Variants in SOX5 observed in about 807,000 individuals in gnomAD.
SOX5 encodes SRY-box transcription factor 5.
Under a neutral mutation model 92.0 loss-of-function variants are expected in SOX5, and 9 were observed. That is an observed-to-expected ratio of 0.10 (90% CI 0.06 to 0.17). SOX5 has a LOEUF of 0.17. Ranked by LOEUF, SOX5 falls within the 10% of genes least tolerant of loss-of-function variation. The pLI is 1.00. For synonymous variants in SOX5, 344 were observed against 336.3 expected (o/e 1.02, Z -0.25); for missense variants, 642 against 944.5 (o/e 0.68, Z 4.20).
At chr12:23,964,990 C>T (rs12422241) in intron 4 of SOX5, among the ~76,000 whole-genome samples, 5,913 of 152,244 alleles carry the variant, frequency 0.039, 546 homozygotes, top group East Asian at 0.38. Flanking sequence ...CCAGGGCTAG[C>T]GCACAGGGGC....
chr12:23,995,730 C>A (rs1043490017), intron 4 of SOX5, among the ~76,000 whole-genome samples: 3 of 152,056 alleles, frequency 2.0e-5, no homozygotes, highest in South Asian at 2.1e-4. Context: ...TAAAAGGGAT[C>A]CAACTTTATT....
chr12:24,201,348 GAA>G (rs35549197), intron 4 of SOX5, among the ~76,000 whole-genome samples: 7 of 146,648 alleles, frequency 4.8e-5, no homozygotes, highest in African/African-American at 1.5e-4. Flanking sequence ...CTTTTCTCAG[GAA>G]AAAAAAAAAT....
At chr12:24,505,091 C>G (rs1017861238) in intron 1 of SOX5, among the ~76,000 whole-genome samples, 4 of 152,148 alleles carry the variant, frequency 2.6e-5, no homozygotes, top group Non-Finnish European at 5.9e-5. Flanking sequence ...AAGATCTGAC[C>G]ATGTTATAAA....
chr12:23,593,365 G>T (rs913776767), intron 9 of SOX5, among the ~76,000 whole-genome samples: 1 of 152,080 alleles, frequency 6.6e-6, no homozygotes, highest in Non-Finnish European at 1.5e-5. Flanking sequence ...GAATGACTGG[G>T]TTCTTCAGCT....
At chr12:24,424,814 G>C (rs554359815) in intron 1 of SOX5, among the ~76,000 whole-genome samples, 5 of 150,818 alleles carry the variant, frequency 3.3e-5, no homozygotes, top group Non-Finnish European at 5.9e-5. Context: ...TTTTTGGGGG[G>C]GGGGGATGGC....
Position 24,020,343 on chromosome 12 carries a change from C to T in SOX5, c.-1-124319G>A, listed in dbSNP as rs920075752. ...AACACAAACCTGGGTTTCTCTCCACCCTATTCCAAAGTCAAGACAAGTAAA... is the reference window on the plus strand; with the variant it reads ...AACACAAACCTGGGTTTCTCTCCACTCTATTCCAAAGTCAAGACAAGTAAA... On this transcript the variant is annotated intron_variant, in intron 4 of 4. Coordinates refer to the SOX5 transcript ENST00000446891. Among the ~76,000 whole-genome samples the T allele has an allele frequency of 2.6e-5, 4 of 152,118 alleles. No homozygotes were observed. In the East Asian group the frequency reaches 5.8e-4, roughly 22 times the overall value.
chr12:23,970,841 A>ATATTTTTTTTTTTTTT, intron 4 of SOX5, among the ~76,000 whole-genome samples: 1 of 21,876 alleles, frequency 4.6e-5, no homozygotes, highest in Admixed American at 7.7e-4. Context: ...TATATATATA[A>ATATTTTTTTTTTTTTT]TTTTTTTTTT....
chr12:24,488,435 A>C (rs1432651112), intron 1 of SOX5, among the ~76,000 whole-genome samples: 1 of 152,160 alleles, frequency 6.6e-6, no homozygotes, highest in African/African-American at 2.4e-5. Flanking sequence ...AAAAAAATAA[A>C]TTAGCTGGGT....
chr12:24,474,544 G>A (rs945987586), intron 1 of SOX5, among the ~76,000 whole-genome samples: 4 of 151,930 alleles, frequency 2.6e-5, no homozygotes, highest in African/African-American at 7.3e-5. Flanking sequence ...TTGTTTGTTC[G>A]TTTGTTTTTG....
At chr12:23,987,132 C>G (rs1950131169) in intron 4 of SOX5, among the ~76,000 whole-genome samples, 1 of 152,124 alleles carries the variant, frequency 6.6e-6, no homozygotes, top group Admixed American at 6.5e-5. Flanking sequence ...GTGACTATAA[C>G]AGAAAATAAG....
chr12:23,667,583 C>A (rs946280527), intron 6 of SOX5, among the ~76,000 whole-genome samples: 3 of 152,076 alleles, frequency 2.0e-5, no homozygotes, highest in Non-Finnish European at 4.4e-5. Flanking sequence ...GAAATAAGAC[C>A]TAGCTTGGCC....
At chr12:24,252,854 G>T (rs1024702311) in intron 3 of SOX5, among the ~76,000 whole-genome samples, 5 of 152,140 alleles carry the variant, frequency 3.3e-5, no homozygotes, top group Non-Finnish European at 5.9e-5. Flanking sequence ...AAACACGCTG[G>T]AGAGCCTCCT....
chr12:24,087,919 C>CT (rs1944206117), intron 4 of SOX5, among the ~76,000 whole-genome samples: 1 of 151,820 alleles, frequency 6.6e-6, no homozygotes, highest in Non-Finnish European at 1.5e-5. Context: ...ACTAATAGAA[C>CT]TAACAGGGTC....
intron 3 of SOX5, among the ~76,000 whole-genome samples, chr12:23,771,088 G>A (rs78530577): frequency 0.019 from 2,747 of 148,444 alleles, 33 homozygotes; most frequent in Middle Eastern, 0.074. Flanking sequence ...CATACATATC[G>A]TATTCTAATC....
At position 24,014,160 on chromosome 12, in the gene SOX5, A is replaced by G. The variant is rs1486677467; in HGVS notation, c.-1-118136T>C. On this transcript the variant is annotated intron_variant, in intron 4 of 4. Transcript: ENST00000446891. ...GATGAGGAGATGAAGCATGGATTCC[A>G]CAGGGCATTTTAAAATAAGCTAGTT... Among the ~76,000 whole-genome samples the G allele has an allele frequency of 2.6e-5, 4 of 152,342 alleles. No homozygotes were observed. In the South Asian group the frequency reaches 6.2e-4, roughly 24 times the overall value.
At chr12:23,839,827 GT>G (rs1417893580) in intron 3 of SOX5, among the ~76,000 whole-genome samples, 2 of 49,504 alleles carry the variant, frequency 4.0e-5, no homozygotes, top group African/African-American at 1.5e-4. Context: ...TCTCAACTTG[GT>G]AAAAAAAAAA....
intron 4 of SOX5, among the ~76,000 whole-genome samples, chr12:24,209,793 C>T (rs1432694462): frequency 4.6e-5 from 7 of 151,498 alleles, no homozygotes; most frequent in South Asian, 4.2e-4. Flanking sequence ...CCGAGGCGGG[C>T]GGATCACGAG....
intron 3 of SOX5, among the ~76,000 whole-genome samples, chr12:23,762,861 A>G (rs1255232056): frequency 6.6e-6 from 1 of 152,176 alleles, no homozygotes; most frequent in Non-Finnish European, 1.5e-5. Context: ...TCCTCACAAG[A>G]CATATTTTCT....
chr12:24,247,031 TAAGAG>T (rs992272780), intron 3 of SOX5, among the ~76,000 whole-genome samples: 37 of 152,184 alleles, frequency 2.4e-4, no homozygotes, highest in African/African-American at 8.4e-4. Flanking sequence ...GCCTGTTTCT[TAAGAG>T]AAGAAAACTG....
Sources: allele counts gnomAD v4.1 joint callset (sites outside exome capture counted in the v4.1 genomes callset), GRCh38; gene constraint gnomAD v4.1.1; transcripts MANE v1.5; gene names NCBI Gene and HGNC (gene_info 2026-07-23, HGNC 2026-07-21).